The following UNK variants were observed in gnomAD, a reference collection of about 807,000 sequenced individuals.
UNK encodes RING finger protein unkempt homolog.
A neutral mutation model predicts 97.6 loss-of-function variants in UNK; 32 were observed. The observed-to-expected ratio is 0.33, with a 90% CI of 0.25 to 0.44. The LOEUF is 0.44. Ranked by LOEUF, UNK falls within the 20% of genes least tolerant of loss-of-function variation. The probability of loss-of-function intolerance (pLI) is 1.00; values close to 1 mark genes in which losing one functional copy is unlikely to be tolerated. For missense variants in UNK, 771 were observed against 1,098.4 expected (o/e 0.70, Z 4.21); for synonymous variants, 441 against 461.2 (o/e 0.96, Z 0.56).
chr17:75,811,929 T>G (rs543180989), intron 2 of UNK, among the ~76,000 whole-genome samples, 183 bp from the exon 3 acceptor site: 1 of 152,256 alleles, frequency 6.6e-6, no homozygotes, highest in South Asian at 2.1e-4. Flanking sequence ...AGAGTTGCAG[T>G]GAGCCAAGAT....
At chr17:75,798,998 G>A (rs939831132) in intron 1 of UNK, among the ~76,000 whole-genome samples, 2 of 151,866 alleles carry the variant, frequency 1.3e-5, no homozygotes. Context: ...CCCAGGAGGC[G>A]GAGCTTGCAG....
intron 2 of UNK, among the ~76,000 whole-genome samples, chr17:75,811,012 C>T (rs1245267197): frequency 6.6e-6 from 1 of 151,746 alleles, no homozygotes; most frequent in Non-Finnish European, 1.5e-5. Flanking sequence ...TCCACTGGCA[C>T]TTCCATGTCG....
chr17:75,816,646 TGTC>T lies in UNK; in HGVS notation c.962-121_962-119del, dbSNP rs1599385540. On this transcript the variant is annotated intron_variant, in intron 7 of 15. Coordinates refer to ENST00000589666, the MANE Select transcript of UNK (RefSeq NM_001080419.3). The surrounding 1 kb of genome is among the most constrained non-coding windows in gnomAD (Gnocchi z 4.0). ...TGCACAGACATGGTGTTACTAGAGA[TGTC>T]GTAGGAACCTTCCCTTTATGTGCAG... 1 of 1,213,162 alleles carries T rather than the reference TGTC, an allele frequency of 8.2e-7. No individual in the cohort carries two copies. Among genetic ancestry groups the T allele is most frequent in the South Asian group, 1.7e-5 (1 of 59,908 alleles). The allele number at this position is 1,213,162 out of a possible 1,614,324, so 75.1% of individuals were successfully genotyped here. A position where few individuals can be genotyped will look rare whatever the true frequency, so the allele number is the denominator to read the frequency against.
At chr17:75,804,854 G>A (rs1160085713) in intron 1 of UNK, among the ~76,000 whole-genome samples, 2 of 144,486 alleles carry the variant, frequency 1.4e-5, no homozygotes, top group Admixed American at 7.0e-5. Context: ...AAAAAAATTA[G>A]TAGAATTCTA....
In UNK at chr17:75,809,824, C is replaced by T; in HGVS notation, c.169C>T (p.Arg57Trp). 1.9e-6 allele frequency: 3 copies of T among 1,613,708 alleles called. No homozygotes were observed. The highest frequency in any genetic ancestry group is 2.5e-6 in the Non-Finnish European group (3 of 1,179,840). The change falls in exon 2 of 16, where the codon CGG becomes TGG. Residue 57 changes from arginine to tryptophan, a missense_variant. Arg to Trp is a moderately radical substitution (Grantham distance 101). Coordinates refer to ENST00000589666, the MANE Select transcript of UNK (RefSeq NM_001080419.3). ...TGTGCAACACAAATGCACGCAGCATCGGCCCTACACCTGCTTCCACTGGCA... is the reference window on the plus strand; with the variant it reads ...TGTGCAACACAAATGCACGCAGCATTGGCCCTACACCTGCTTCCACTGGCA... ...LFVQHKCTQHRPYTCFHWHFV... is the reference protein window; with the variant it reads ...LFVQHKCTQHWPYTCFHWHFV...
intron 1 of UNK, among the ~76,000 whole-genome samples, chr17:75,799,015 G>T (rs974237349): frequency 6.6e-6 from 1 of 151,656 alleles, no homozygotes; most frequent in Non-Finnish European, 1.5e-5. Flanking sequence ...GCAGTGAGCC[G>T]AGATCGGGCC....
At chr17:75,815,371 T>TGCTGCTGGCAG in intron 7 of UNK, 118 bp downstream of exon 7, 2 of 931,094 alleles carry the variant, frequency 2.1e-6, no homozygotes, top group Non-Finnish European at 3.2e-6. Context: ...AGTTCTGGCC[T>TGCTGCTGGCAG]GCCAGCAGCA....
At chr17:75,805,370 G>A (rs1050652622) in intron 1 of UNK, among the ~76,000 whole-genome samples, 3 of 148,596 alleles carry the variant, frequency 2.0e-5, no homozygotes, top group Admixed American at 1.3e-4. Context: ...ACTCCAGCCT[G>A]GGTGACAGAG....
chr17:75,822,113 AGCCACAATCATAAATT>A (rs1355284381), intron 13 of UNK, among the ~76,000 whole-genome samples: 2 of 152,328 alleles, frequency 1.3e-5, no homozygotes, highest in African/African-American at 4.8e-5. Flanking sequence ...CTAAAAGTGA[AGCCACAATCATAAATT>A]GCCACTATCG....
chr17:75,793,642 G>T, intron 1 of UNK: 1 of 985,360 alleles, frequency 1.0e-6, no homozygotes, highest in Non-Finnish European at 1.2e-6. Flanking sequence ...TGAACTTATT[G>T]AACTGTTTCC....
At chr17:75,807,077 T>C (rs2061924970) in intron 1 of UNK, among the ~76,000 whole-genome samples, 2 of 152,190 alleles carry the variant, frequency 1.3e-5, no homozygotes, top group Non-Finnish European at 2.9e-5. Context: ...GCCCCTGTCC[T>C]CGGGGACCTT....
At position 75,819,542 on chromosome 17, in the gene UNK, C is replaced by T; in HGVS notation, c.1547-142C>T. The T allele has an allele frequency of 1.4e-6, 1 of 716,758 alleles. No individual in the cohort carries two copies. Among genetic ancestry groups the T allele is most frequent in the Non-Finnish European group, 2.4e-6 (1 of 420,142 alleles). 44.4% of individuals were successfully genotyped at this position (716,758 alleles called of 1,614,324 possible). ...CAGGAGTCAGGATTGGCATAGGAAG[C>T]AGCTGAAGGAAGGGCACAGGGGCTT... On this transcript the variant is annotated intron_variant, in intron 11 of 15. Coordinates refer to ENST00000589666, the MANE Select transcript of UNK (RefSeq NM_001080419.3). The surrounding 1 kb of genome is among the most constrained non-coding windows in gnomAD (Gnocchi z 5.4).
In UNK at chr17:75,819,776, A is replaced by T; in HGVS notation, c.1639A>T (p.Ile547Phe). The part of the protein sequence containing the change: ...DNSTVPHPGS[I>F]TIGGSLLQSS... ...CAGCACAGTGCCCCACCCAGGAAGC[A>T]TCACCATCGGTACTGGGTGTGGGTG... Residue 547 changes from isoleucine to phenylalanine, a missense_variant, in exon 12 of 16, where the codon ATC becomes TTC. Physicochemically the swap from Ile to Phe is conservative, Grantham distance 21 (BLOSUM62 0). This residue lies in a region of UNK where 91 missense variants were observed against 173.1 expected (regional missense o/e 0.53). Transcript: ENST00000589666. The surrounding 1 kb of genome is among the most constrained non-coding windows in gnomAD (Gnocchi z 5.4). 6.2e-7 allele frequency: 1 copy of T among 1,613,814 alleles called. No homozygotes were observed. The highest frequency in any genetic ancestry group is 8.5e-7 in the Non-Finnish European group (1 of 1,179,874).
Position 75,818,773 on chromosome 17 carries a change from T to A in UNK, c.1503T>A (p.Ala501=). 2.5e-6 allele frequency: 4 copies of A among 1,612,234 alleles called. No individual in the cohort carries two copies. Among genetic ancestry groups the A allele is most frequent in the South Asian group, 2.2e-5 (2 of 90,746 alleles). The change falls in exon 11 of 16, where the codon GCT becomes GCA. Residue 501 remains alanine (A), a synonymous_variant. Coordinates refer to ENST00000589666, the MANE Select transcript of UNK (RefSeq NM_001080419.3). The surrounding 1 kb of genome is among the most constrained non-coding windows in gnomAD (Gnocchi z 5.1). ...TSSVPGMNAN[A]LPFYPTSDTV... ...GCGTCCCCGGCATGAATGCAAACGCTCTGCCCTTCTACCCCACCAGCGACA... is the reference window on the plus strand; with the variant it reads ...GCGTCCCCGGCATGAATGCAAACGCACTGCCCTTCTACCCCACCAGCGACA...
At chr17:75,821,511 T>C (rs765994173) in intron 13 of UNK, 3 of 440,596 alleles carry the variant, frequency 6.8e-6, no homozygotes, top group South Asian at 4.8e-5. Context: ...GACCCTGAGG[T>C]CTTCCTCTGG....
rs540674997 is a variant in UNK, at chr17:75,786,519, G to A, written c.104+1535G>A. ...GAAACAAGTGAACAGCTGATTAAAT[G>A]TCAGTATCTGAGTCTTTGTCCTCTT... On this transcript the variant is annotated intron_variant, in intron 1 of 15. Transcript: ENST00000589666. 2.0e-5 allele frequency among the ~76,000 whole-genome samples: 3 copies of A among 152,298 alleles called. No homozygotes were observed. The East Asian group carries it at 5.8e-4, about 29-fold the overall frequency.
At position 75,795,829 on chromosome 17, in the gene UNK, CA is replaced by C. The variant is rs1159747073; in HGVS notation, c.104+10846del. 6.6e-5 allele frequency among the ~76,000 whole-genome samples: 10 copies of C among 152,324 alleles called. No individual in the cohort carries two copies. In the East Asian group the frequency reaches 1.9e-3, roughly 29 times the overall value. ...ATAGAAAGAAGGGACCATGGACACACAGGACTAATTGCACACCCTTCCTGGC... is the reference window on the plus strand; with the variant it reads ...ATAGAAAGAAGGGACCATGGACACACGGACTAATTGCACACCCTTCCTGGC... On this transcript the variant is annotated intron_variant, in intron 1 of 15. Transcript: ENST00000589666.
At position 75,818,493 on chromosome 17, in the gene UNK, G is replaced by A. The variant is rs1378934584; in HGVS notation, c.1372-149G>A. The A allele has an allele frequency of 3.3e-6, 3 of 908,268 alleles. No homozygotes were observed. The highest frequency in any genetic ancestry group is 4.8e-6 in the Non-Finnish European group (3 of 618,618). The allele number at this position is 908,268 out of a possible 1,614,324, so 56.3% of individuals were successfully genotyped here. Reference sequence around the variant, plus strand: ...AACTCCATGCTCTCAACAAGGTGTCGGGTGTGCCGGGGCCCATGTGGGCAT... The same window carrying A: ...AACTCCATGCTCTCAACAAGGTGTCAGGTGTGCCGGGGCCCATGTGGGCAT... On this transcript the variant is annotated intron_variant, in intron 10 of 15. Coordinates refer to ENST00000589666, the MANE Select transcript of UNK (RefSeq NM_001080419.3). The surrounding 1 kb of genome is among the most constrained non-coding windows in gnomAD (Gnocchi z 5.1).
chr17:75,803,328 G>A (rs1348067751), intron 1 of UNK, among the ~76,000 whole-genome samples: 1 of 152,126 alleles, frequency 6.6e-6, no homozygotes, highest in East Asian at 1.9e-4. Context: ...ACTTGAACCC[G>A]GGAGGCGGAG....
Sources: allele counts gnomAD v4.1 joint callset (sites outside exome capture counted in the v4.1 genomes callset), GRCh38; gene constraint gnomAD v4.1.1; regional missense constraint gnomAD v4.1.1; non-coding constraint Gnocchi (gnomAD v3.1); transcripts MANE v1.5; gene names NCBI Gene and HGNC (gene_info 2026-07-23, HGNC 2026-07-21).